Variants in ZNF584 observed in about 807,000 individuals in gnomAD.
ZNF584 encodes zinc finger protein 584.
ZNF584 carries 12 observed loss-of-function variants against 14.7 expected under a neutral mutation model. The observed-to-expected ratio is 0.82, with a 90% CI of 0.52 to 1.32. ZNF584 has a LOEUF of 1.32. Among genes scored for constraint, ZNF584 ranks in the 40% most tolerant of loss-of-function variants. The pLI, the probability that ZNF584 is intolerant of heterozygous loss-of-function variation, is 0.00. For missense variants in ZNF584, 478 were observed against 518.8 expected, an observed-to-expected ratio of 0.92 and a Z score of 0.76; for synonymous variants, 204 against 190.9, an observed-to-expected ratio of 1.07 and a Z score of -0.57.
At position 58,415,865 on chromosome 19, in the gene ZNF584, T is replaced by G. The variant is rs752522446; in HGVS notation, c.292+219T>G. Reference sequence around the variant, plus strand: ...CTGGCCTGCGTCTCCTCATTGCCCTTCTCTGTATCTGTGCAGAGCTGTCTA... The same window carrying G: ...CTGGCCTGCGTCTCCTCATTGCCCTGCTCTGTATCTGTGCAGAGCTGTCTA... On this transcript the variant is annotated intron_variant, in intron 3 of 3. Coordinates refer to ENST00000306910, the MANE Select transcript of ZNF584 (RefSeq NM_173548.3). The G allele has an allele frequency of 1.9e-6, 3 of 1,599,630 alleles. No individual in the cohort carries two copies. In the South Asian group the frequency reaches 3.3e-5, roughly 18 times the overall value.
upstream of ZNF584, chr19:58,407,218 A>C (rs2052480727): frequency 6.6e-6 from 1 of 152,328 alleles, no homozygotes; most frequent in Admixed American, 6.5e-5. Context: ...AAGCCTTCAG[A>C]CCTATGAAGG....
chr19:58,416,564 G>C (rs1391049519), intron 3 of ZNF584: 1 of 340,984 alleles, frequency 2.9e-6, no homozygotes, highest in Non-Finnish European at 5.3e-6. Context: ...CACCACACCC[G>C]GCTAATTTTG....
chr19:58,405,768 C>A, upstream of ZNF584: 1 of 174,718 alleles, frequency 5.7e-6, no homozygotes, highest in South Asian at 9.0e-5. Flanking sequence ...CAGAGACGCT[C>A]CTCACTTCCC....
intron 2 of ZNF584, among the ~76,000 whole-genome samples, chr19:58,413,553 C>A (rs891523234): frequency 4.0e-5 from 6 of 150,638 alleles, no homozygotes; most frequent in African/African-American, 1.5e-4. Flanking sequence ...GCCTCCCAGG[C>A]TGGAGTGCAG....
Position 58,416,694 on chromosome 19 carries a change from G to A in ZNF584, c.293-117G>A, listed in dbSNP as rs779840034. 38 of 1,344,782 alleles carry A rather than the reference G, an allele frequency of 2.8e-5. 1 individual carries two copies. The highest frequency in any genetic ancestry group is 5.3e-5 in the South Asian group (3 of 56,460). 83.3% of individuals were successfully genotyped at this position (1,344,782 alleles called of 1,614,324 possible). A position where few individuals can be genotyped will look rare whatever the true frequency, so the allele number is the denominator to read the frequency against. On this transcript the variant is annotated intron_variant, in intron 3 of 3. Coordinates refer to ENST00000306910, the MANE Select transcript of ZNF584 (RefSeq NM_173548.3). ...TGGGATTACAGGCGTGAGCCACCAC[G>A]CCTGGCCCTTTCAGCAGTTCTATGG...
Position 58,417,787 on chromosome 19 carries a change from C to T in ZNF584, c.*3C>T. ...ATGGGAAGGTCGTTAGCTGCTAGCA[C>T]CGTGTTCATCAGGAAAGGTCTTATT... is the stretch of plus-strand genomic sequence containing the variant. On this transcript the variant is annotated 3_prime_UTR_variant, in exon 4 of 4. Transcript: ENST00000306910. 6.3e-7 allele frequency: 1 copy of T among 1,591,900 alleles called. No homozygotes were observed.
rs759976447 is a variant in ZNF584 at position 58,417,196 on chromosome 19, G to A, written c.678G>A (p.Pro226=). The A allele has an allele frequency of 3.7e-5, 59 of 1,613,714 alleles. No individual in the cohort carries two copies. Among genetic ancestry groups the A allele is most frequent in the Non-Finnish European group, 4.6e-5 (54 of 1,179,896 alleles). ...CNECGKAFSY[P]SKLRKHQKVH... ...AATGTGGGAAGGCCTTCAGTTACCCGTCTAAGCTGAGGAAACACCAGAAGG... is the reference window on the plus strand; with the variant it reads ...AATGTGGGAAGGCCTTCAGTTACCCATCTAAGCTGAGGAAACACCAGAAGG... The change falls in exon 4 of 4, where the codon CCG becomes CCA. Residue 226 remains proline, a synonymous_variant. Transcript: ENST00000306910.
chr19:58,410,605 A>ATATATATGTGTATATATGTG (rs1273533990), intron 2 of ZNF584, among the ~76,000 whole-genome samples: 4 of 11,970 alleles, frequency 3.3e-4, no homozygotes, highest in African/African-American at 1.7e-3. Flanking sequence ...ATATATATGT[A>ATATATATGTGTATATATGTG]TATATATGTG....
At position 58,414,688 on chromosome 19, in the gene ZNF584, C is replaced by G. The variant is rs1349574513; in HGVS notation, c.170-836C>G. On this transcript the variant is annotated intron_variant, in intron 2 of 3. Transcript: ENST00000306910. Reference sequence around the variant, plus strand: ...CAAATGGTATGTTCTGAAGACCGTTCCATGTGCACGTGACAATGTATATCC... The same window carrying G: ...CAAATGGTATGTTCTGAAGACCGTTGCATGTGCACGTGACAATGTATATCC... 2.0e-5 allele frequency among the ~76,000 whole-genome samples: 3 copies of G among 152,116 alleles called. No homozygotes were observed. The East Asian group carries it at 5.8e-4, about 29-fold the overall frequency.
intron 1 of ZNF584, among the ~76,000 whole-genome samples, chr19:58,402,739 G>A (rs940064860): frequency 6.8e-6 from 1 of 148,008 alleles, no homozygotes; most frequent in Admixed American, 6.9e-5. Flanking sequence ...CAGGAGAATC[G>A]CTTGAACTCG....
Position 58,410,182 on chromosome 19 carries a change from G to A in ZNF584, c.169+91G>A, listed in dbSNP as rs948369950. 9.7e-6 allele frequency: 14 copies of A among 1,447,930 alleles called. No homozygotes were observed. In the East Asian group the frequency reaches 3.2e-4, roughly 33 times the overall value. The allele number at this position is 1,447,930 out of a possible 1,614,324, so 89.7% of individuals were successfully genotyped here. A position where few individuals can be genotyped will look rare whatever the true frequency, so the allele number is the denominator to read the frequency against. On this transcript the variant is annotated intron_variant, in intron 2 of 3. Transcript: ENST00000306910. ...TCCATAACGAAGCCAGACCATGGGG[G>A]CTCTTTCCTTCCCAGATTCCCTGTT...
intron 2 of ZNF584, among the ~76,000 whole-genome samples, chr19:58,410,778 ATTTTTTTTTTTTT>A (rs869150389): frequency 3.4e-4 from 3 of 8,948 alleles, no homozygotes; most frequent in African/African-American, 2.7e-3. Context: ...TATATATATA[ATTTTTTTTTTTTT>A]TTTTTTTTTT....
At chr19:58,415,484 C>G (rs374444706) in intron 2 of ZNF584, 40 bp from the exon 3 acceptor site, 13 of 1,591,092 alleles carry the variant, frequency 8.2e-6, no homozygotes, top group African/African-American at 1.3e-5. Flanking sequence ...GCATCAGCCA[C>G]CATGCCCAGC....
upstream of ZNF584, chr19:58,405,271 ACCCCCC>A (rs555648755): frequency 1.3e-5 from 1 of 78,094 alleles, no homozygotes; most frequent in Non-Finnish European, 2.5e-5. Flanking sequence ...CGGGGGGCTG[ACCCCCC>A]CACCTCCCTC....
In ZNF584 at chr19:58,409,011, C is replaced by T. The variant is rs1033138634; in HGVS notation, c.-137C>T. The T allele has an allele frequency of 8.7e-6, 10 of 1,148,282 alleles. No homozygotes were observed. The highest frequency in any genetic ancestry group is 6.7e-5 in the Admixed American group (2 of 29,772). 71.1% of individuals were successfully genotyped at this position (1,148,282 alleles called of 1,614,324 possible). ...TTCCCAGCGGCTCCGGGAAGCGGTT[C>T]CCTGTCTTCGGACGCATTTCACCCG... On this transcript the variant is annotated 5_prime_UTR_variant, in exon 1 of 4. Transcript: ENST00000306910.
rs10423138 is a variant in ZNF584, at chr19:58,416,935, T to C, written c.417T>C (p.Ala139=). 777,105 of 1,609,754 alleles carry C rather than the reference T, an allele frequency of 0.48. 193,493 individuals carry two copies. The highest frequency in any genetic ancestry group is 0.77 in the African/African-American group (57,924 of 74,964). ...GAAGGCACACTGAGCATGGGGCAGC[T>C]TTCCCACCTGGTTCCAGTTGTGGGC... The part of the protein sequence containing the change: ...KPRRHTEHGA[A]FPPGSSCGQQ... The change falls in exon 4 of 4, where the codon GCT becomes GCC. Residue 139 remains alanine, a synonymous_variant. Transcript: ENST00000306910.
chr19:58,409,025 G>T lies in ZNF584; in HGVS notation c.-123G>T, dbSNP rs2052505062. The T allele has an allele frequency of 8.0e-7, 1 of 1,253,484 alleles. No individual in the cohort carries two copies. The highest frequency in any genetic ancestry group is 3.2e-5 in the Admixed American group (1 of 31,270). The allele number at this position is 1,253,484 out of a possible 1,614,324, so 77.6% of individuals were successfully genotyped here. On this transcript the variant is annotated 5_prime_UTR_variant, in exon 1 of 4. Transcript: ENST00000306910. ...GGGAAGCGGTTCCCTGTCTTCGGAC[G>T]CATTTCACCCGCGCGGGGAGAGCTT...
intron 2 of ZNF584, among the ~76,000 whole-genome samples, chr19:58,410,884 A>C (rs111499487): frequency 2.3e-5 from 3 of 132,128 alleles, no homozygotes; most frequent in Non-Finnish European, 4.6e-5. Context: ...CTCTGCCTCC[A>C]GGGTTCAAGC....
At chr19:58,414,424 T>C (rs921962005) in intron 2 of ZNF584, among the ~76,000 whole-genome samples, 4 of 151,384 alleles carry the variant, frequency 2.6e-5, no homozygotes, top group African/African-American at 9.7e-5. Context: ...CTGCAAGCTC[T>C]GCCTCCTGGG....
Sources: allele counts gnomAD v4.1 joint callset (sites outside exome capture counted in the v4.1 genomes callset), GRCh38; gene constraint gnomAD v4.1.1; transcripts MANE v1.5; gene names NCBI Gene and HGNC (gene_info 2026-07-23, HGNC 2026-07-21).